Variants in KCNIP4 observed in about 807,000 individuals in gnomAD.
KCNIP4 encodes Kv channel-interacting protein 4.
In KCNIP4, 12 loss-of-function variants were observed where a neutral mutation model predicts 34.0. The observed-to-expected ratio is 0.35, with a 90% CI of 0.23 to 0.57. KCNIP4 has a LOEUF of 0.57. Ranked by LOEUF, KCNIP4 falls within the 20% of genes least tolerant of loss-of-function variation. The pLI is 0.83. For missense variants in KCNIP4, 238 were observed against 311.7 expected (o/e 0.76, Z 1.78); for synonymous variants, 124 against 102.2 (o/e 1.21, Z -1.29).
At chr4:20,855,579 G>T (rs1167605499) in intron 2 of KCNIP4, among the ~76,000 whole-genome samples, 11 of 151,976 alleles carry the variant, frequency 7.2e-5, no homozygotes, top group Non-Finnish European at 2.9e-5. Flanking sequence ...AGAGCATTGA[G>T]GGGCCAAAGC....
intron 1 of KCNIP4, among the ~76,000 whole-genome samples, chr4:21,842,735 T>G (rs976703363): frequency 6.6e-6 from 1 of 152,152 alleles, no homozygotes; most frequent in Non-Finnish European, 1.5e-5. Flanking sequence ...TGATAGTTCT[T>G]ACTTCAAATA....
chr4:21,338,515 G>A (rs1041200913), intron 1 of KCNIP4, among the ~76,000 whole-genome samples: 4 of 151,570 alleles, frequency 2.6e-5, no homozygotes, highest in African/African-American at 9.7e-5. Context: ...GCTGAGGCAG[G>A]AGAATGGCTT....
At chr4:21,190,106 C>G (rs1755515462) in intron 1 of KCNIP4, among the ~76,000 whole-genome samples, 1 of 152,176 alleles carries the variant, frequency 6.6e-6, no homozygotes, top group South Asian at 2.1e-4. Context: ...TTTCCCACTC[C>G]TGAATACTAA....
At chr4:21,196,056 C>A (rs1756036207) in intron 1 of KCNIP4, among the ~76,000 whole-genome samples, 2 of 152,272 alleles carry the variant, frequency 1.3e-5, no homozygotes, top group South Asian at 4.1e-4. Context: ...AAACTTTGCT[C>A]TGGAGGCATG....
At chr4:20,765,607 T>TTCTG (rs1755330302) in intron 3 of KCNIP4, among the ~76,000 whole-genome samples, 1 of 152,226 alleles carries the variant, frequency 6.6e-6, no homozygotes, top group African/African-American at 2.4e-5. Flanking sequence ...GAGGAAAATG[T>TTCTG]TCTGGTTTTT....
chr4:21,632,526 A>G (rs1353658524), intron 1 of KCNIP4, among the ~76,000 whole-genome samples: 2 of 152,166 alleles, frequency 1.3e-5, no homozygotes, highest in African/African-American at 2.4e-5. Context: ...TGGCTGGCCA[A>G]CTTCCATCTT....
intron 1 of KCNIP4, among the ~76,000 whole-genome samples, chr4:21,931,669 A>G (rs1560188278): frequency 6.6e-6 from 1 of 152,058 alleles, no homozygotes; most frequent in Non-Finnish European, 1.5e-5. Flanking sequence ...TTCCTAATTC[A>G]GTCTATCATT....
chr4:21,236,406 T>C (rs1433237149), intron 1 of KCNIP4, among the ~76,000 whole-genome samples: 1 of 152,188 alleles, frequency 6.6e-6, no homozygotes, highest in African/African-American at 2.4e-5. Context: ...GTCAATTTCA[T>C]TTATTTTTCC....
At chr4:21,236,032 T>C (rs1278871054) in intron 1 of KCNIP4, among the ~76,000 whole-genome samples, 2 of 152,170 alleles carry the variant, frequency 1.3e-5, no homozygotes, top group Admixed American at 1.3e-4. Context: ...CGGTGGCTCA[T>C]GCCTGTAATC....
intron 1 of KCNIP4, among the ~76,000 whole-genome samples, chr4:21,426,339 C>G (rs1056560545): frequency 6.6e-6 from 1 of 152,102 alleles, no homozygotes; most frequent in African/African-American, 2.4e-5. Context: ...AATGCTTGCA[C>G]AACTCCATAG....
At chr4:21,172,978 G>T (rs1273397309) in intron 1 of KCNIP4, among the ~76,000 whole-genome samples, 1 of 152,180 alleles carries the variant, frequency 6.6e-6, no homozygotes, top group Non-Finnish European at 1.5e-5. Flanking sequence ...TACGGAAGCG[G>T]CACTACAGCT....
intron 1 of KCNIP4, among the ~76,000 whole-genome samples, chr4:21,021,859 C>CGTAGAGTATA (rs1553928071): frequency 6.9e-6 from 1 of 145,844 alleles, no homozygotes; most frequent in African/African-American, 2.6e-5. Context: ...AGTATAGTAT[C>CGTAGAGTATA]GTATAGTATA....
intron 1 of KCNIP4, among the ~76,000 whole-genome samples, chr4:21,233,306 G>A (rs888915032): frequency 1.3e-5 from 2 of 152,204 alleles, no homozygotes; most frequent in East Asian, 1.9e-4. Flanking sequence ...TATGTCCAAG[G>A]GGGGAGGCCC....
chr4:20,880,153 A>G (rs1724512888), intron 2 of KCNIP4, among the ~76,000 whole-genome samples: 2 of 152,238 alleles, frequency 1.3e-5, no homozygotes, highest in Admixed American at 6.5e-5. Context: ...GTACATATAC[A>G]TTGATGGGAA....
At chr4:20,942,169 G>T (rs183509637) in intron 1 of KCNIP4, among the ~76,000 whole-genome samples, 140 of 152,284 alleles carry the variant, frequency 9.2e-4, no homozygotes, top group East Asian at 6.4e-3. Context: ...TTTGGCTGGG[G>T]TTCCCTCAAT....
chr4:21,155,937 A>G (rs114570037), intron 1 of KCNIP4, among the ~76,000 whole-genome samples: 1 of 152,254 alleles, frequency 6.6e-6, no homozygotes, highest in African/African-American at 2.4e-5. Context: ...CAACAGAACA[A>G]TTCATGCTTC....
At chr4:21,122,392 T>C (rs1261006541) in intron 1 of KCNIP4, among the ~76,000 whole-genome samples, 1 of 151,886 alleles carries the variant, frequency 6.6e-6, no homozygotes, top group African/African-American at 2.4e-5. Context: ...ATTGTTCTTG[T>C]AGGAATCATT....
intron 1 of KCNIP4, among the ~76,000 whole-genome samples, chr4:21,482,602 G>T (rs190012744): frequency 6.6e-6 from 1 of 152,112 alleles, no homozygotes; most frequent in South Asian, 2.1e-4. Flanking sequence ...AAATTCTGGG[G>T]TGAAAATCCT....
intron 1 of KCNIP4, among the ~76,000 whole-genome samples, chr4:21,214,989 C>T (rs1223209189): frequency 6.6e-6 from 1 of 152,150 alleles, no homozygotes; most frequent in African/African-American, 2.4e-5. Flanking sequence ...AGAATGCATA[C>T]TGATATCAGA....
Sources: gnomAD v4.1 joint callset for allele counts (sites outside exome capture counted in the v4.1 genomes callset) on GRCh38, gnomAD v4.1.1 for gene constraint, MANE v1.5 for transcripts, NCBI Gene and HGNC (gene_info 2026-07-23, HGNC 2026-07-21) for gene names.